NR2F1-AS1: variants seen among roughly 807,000 people sequenced by gnomAD.
NR2F1-AS1 encodes NR2F1 antisense RNA 1.
intron 1 of NR2F1-AS1, among the ~76,000 whole-genome samples, chr5:93,569,110 G>A (rs781158358): frequency 6.6e-6 from 1 of 151,996 alleles, no homozygotes; most frequent in Non-Finnish European, 1.5e-5. Context: ...AGGTACACAC[G>A]CACCCACACA....
intron 1 of NR2F1-AS1, among the ~76,000 whole-genome samples, chr5:93,563,677 T>G (rs1183803750): frequency 6.6e-6 from 1 of 152,212 alleles, no homozygotes; most frequent in Non-Finnish European, 1.5e-5. Flanking sequence ...TACTGGTATC[T>G]CAATCACATT....
At chr5:93,529,895 T>C (rs1751698383) in intron 4 of NR2F1-AS1, among the ~76,000 whole-genome samples, 1 of 152,152 alleles carries the variant, frequency 6.6e-6, no homozygotes, top group South Asian at 2.1e-4. Context: ...ATTGACTCAT[T>C]GTACCCTTAC....
chr5:93,515,547 CTAGACTA>C (rs1338983248), intron 4 of NR2F1-AS1, among the ~76,000 whole-genome samples: 1 of 151,884 alleles, frequency 6.6e-6, no homozygotes, highest in Non-Finnish European at 1.5e-5. Context: ...ATCTCTTCTA[CTAGACTA>C]TAAGCAAGGA....
At chr5:93,426,329 T>A (rs1254167849) in intron 4 of NR2F1-AS1, among the ~76,000 whole-genome samples, 1 of 152,154 alleles carries the variant, frequency 6.6e-6, no homozygotes, top group African/African-American at 2.4e-5. Context: ...ATTACAGGCA[T>A]CAGCCACCAT....
intron 4 of NR2F1-AS1, among the ~76,000 whole-genome samples, chr5:93,518,925 TAG>T (rs1175663682): frequency 6.6e-6 from 1 of 152,060 alleles, no homozygotes; most frequent in Non-Finnish European, 1.5e-5. Flanking sequence ...TTTATTAAAG[TAG>T]ACTTAAAGTA....
Position 93,486,186 on chromosome 5 carries a change from C to T in NR2F1-AS1, n.638+67575G>A, listed in dbSNP as rs1179793249. 5.5e-5 allele frequency among the ~76,000 whole-genome samples: 8 copies of T among 146,384 alleles called. No individual in the cohort carries two copies. The South Asian group carries it at 8.9e-4, about 16-fold the overall frequency. ...CTAGATGACGAGTTAGTGGGTGCAG[C>T]GCACCAGCATGGCACATGTATACAT... is the stretch of plus-strand genomic sequence containing the variant. On this transcript the variant is annotated intron_variant and non_coding_transcript_variant, in intron 4 of 5. Transcript: ENST00000660523.
At chr5:93,537,096 G>T (rs778481641) in intron 4 of NR2F1-AS1, among the ~76,000 whole-genome samples, 1 of 152,108 alleles carries the variant, frequency 6.6e-6, no homozygotes, top group Admixed American at 6.5e-5. Context: ...CCAGTCTCAG[G>T]TATTTCTTTA....
chr5:93,432,776 C>T (rs6894939), intron 4 of NR2F1-AS1, among the ~76,000 whole-genome samples: 4,544 of 152,222 alleles, frequency 0.03, 217 homozygotes, highest in African/African-American at 0.1. Context: ...CTCCTTAATT[C>T]GGTACTACCT....
intron 4 of NR2F1-AS1, among the ~76,000 whole-genome samples, chr5:93,452,030 C>T (rs891147642): frequency 3.3e-5 from 5 of 152,042 alleles, no homozygotes; most frequent in Non-Finnish European, 5.9e-5. Context: ...ATGTTTTATA[C>T]CATGCATACT....
intron 4 of NR2F1-AS1, among the ~76,000 whole-genome samples, chr5:93,515,371 A>C (rs17083198): frequency 0.1 from 15,508 of 151,918 alleles, 868 homozygotes; most frequent in Middle Eastern, 0.16. Flanking sequence ...AATGTTATAG[A>C]TTACTAATGG....
intron 4 of NR2F1-AS1, among the ~76,000 whole-genome samples, chr5:93,464,382 G>A (rs115307301): frequency 0.022 from 3,298 of 152,102 alleles, 110 homozygotes; most frequent in African/African-American, 0.075. Flanking sequence ...GCATGAAAAC[G>A]GACTAATACA....
At chr5:93,420,108 C>T (rs1030844998) in intron 4 of NR2F1-AS1, among the ~76,000 whole-genome samples, 2 of 152,242 alleles carry the variant, frequency 1.3e-5, no homozygotes, top group Admixed American at 1.3e-4. Context: ...AGGCACAGAT[C>T]ACTTGAACCC....
chr5:93,413,063 GGTGTGTGTGTGTGTGT>G lies in NR2F1-AS1; in HGVS notation n.639-17537_639-17522del, dbSNP rs71613591. 1.2e-3 allele frequency among the ~76,000 whole-genome samples: 168 copies of G among 139,274 alleles called. 2 individuals are homozygous for G. The highest frequency in any genetic ancestry group is 4.0e-3 in the African/African-American group (149 of 37,576). 91.4% of individuals were successfully genotyped at this position (139,274 alleles called of 152,430 possible). Reference sequence around the variant, plus strand: ...CAGCCTAGACAAATTATAGCACTATGGTGTGTGTGTGTGTGTGTGTGTGTGTGTGTGTGTGTGTGTG... The same window carrying G: ...CAGCCTAGACAAATTATAGCACTATGGTGTGTGTGTGTGTGTGTGTGTGTG... On this transcript the variant is annotated intron_variant and non_coding_transcript_variant, in intron 4 of 5. Coordinates refer to ENST00000660523, the Ensembl canonical transcript of NR2F1-AS1.
At chr5:93,541,514 A>T (rs1376690961) in intron 4 of NR2F1-AS1, among the ~76,000 whole-genome samples, 2 of 152,098 alleles carry the variant, frequency 1.3e-5, no homozygotes, top group Admixed American at 1.3e-4. Flanking sequence ...TGCTCTCTTA[A>T]ATTGGAATCA....
At chr5:93,543,141 A>G (rs1751993048) in intron 4 of NR2F1-AS1, 1 of 152,236 alleles carries the variant, frequency 6.6e-6, no homozygotes, top group East Asian at 1.9e-4. Context: ...AATGCAAATT[A>G]TTCCTAAAAG....
intron 4 of NR2F1-AS1, among the ~76,000 whole-genome samples, chr5:93,535,422 AC>A (rs1282835674): frequency 6.6e-6 from 1 of 151,884 alleles, no homozygotes; most frequent in Non-Finnish European, 1.5e-5. Context: ...TCTACAATAA[AC>A]GGAAAAATTT....
chr5:93,494,857 G>A (rs1461509674), intron 4 of NR2F1-AS1, among the ~76,000 whole-genome samples: 3 of 152,086 alleles, frequency 2.0e-5, no homozygotes, highest in African/African-American at 7.2e-5. Context: ...GCCCATCAGT[G>A]GATAATCAGA....
At chr5:93,581,612 C>T (rs1753035143), upstream of NR2F1-AS1, among the ~76,000 whole-genome samples, 2 of 151,084 alleles carry the variant, frequency 1.3e-5, no homozygotes, top group African/African-American at 4.9e-5. Flanking sequence ...CCGCTCCTCC[C>T]GCCTGCCCCT....
intron 4 of NR2F1-AS1, among the ~76,000 whole-genome samples, chr5:93,483,394 T>A (rs928657374): frequency 6.6e-6 from 1 of 151,910 alleles, no homozygotes; most frequent in Non-Finnish European, 1.5e-5. Context: ...CAGAAAGGAA[T>A]AGCATCAACA....
Sources: allele counts gnomAD v4.1 joint callset (sites outside exome capture counted in the v4.1 genomes callset), GRCh38; gene constraint gnomAD v4.1.1; transcripts MANE v1.5; gene names NCBI Gene and HGNC (gene_info 2026-07-23, HGNC 2026-07-21).